CRYL1: variants seen among roughly 807,000 people sequenced by gnomAD.
The protein encoded by CRYL1 is crystallin lambda 1.
A neutral mutation model predicts 36.6 loss-of-function variants in CRYL1; 29 were observed. The ratio of observed to expected loss-of-function variants is 0.79; its 90% confidence interval spans 0.59 to 1.08. The LOEUF (loss-of-function observed/expected upper bound fraction) is 1.08, where lower values mean the gene tolerates loss of function less well. CRYL1 is among the 50% of genes least tolerant of loss of function. The pLI is 0.00. For synonymous variants in CRYL1, 152 were observed against 151.5 expected (o/e 1.00, Z -0.02); for missense variants, 411 against 407.9 (o/e 1.01, Z -0.06).
At chr13:20,446,096 T>C (rs529256583) in intron 3 of CRYL1, among the ~76,000 whole-genome samples, 20 of 152,236 alleles carry the variant, frequency 1.3e-4, no homozygotes, top group Non-Finnish European at 2.8e-4. Flanking sequence ...TCAGTAGATT[T>C]TTTTTAATTA....
At chr13:20,431,717 T>C in intron 5 of CRYL1, 1 of 1,157,098 alleles carries the variant, frequency 8.6e-7, no homozygotes. Context: ...GACAGAAGTT[T>C]ACACAAAATA....
At position 20,469,631 on chromosome 13, in the gene CRYL1, G is replaced by A. The variant is rs540936138; in HGVS notation, c.276+19739C>T. Among the ~76,000 whole-genome samples, 204 of 152,252 alleles carry A rather than the reference G, an allele frequency of 1.3e-3. 1 individual carries two copies. Among genetic ancestry groups the A allele is most frequent in the African/African-American group, 4.8e-3 (200 of 41,550 alleles). On this transcript the variant is annotated intron_variant, in intron 3 of 7. Coordinates refer to ENST00000298248, the MANE Select transcript of CRYL1 (RefSeq NM_015974.3). ...ATTCTCTTAGCTATACATTCCTTCC[G>A]GTATCTGTTTATTCTCAGGCTGGAA...
intron 5 of CRYL1, among the ~76,000 whole-genome samples, chr13:20,420,701 TTGTGTGTGTGTGTGTGTG>T (rs1555226402): frequency 4.6e-5 from 1 of 21,840 alleles, no homozygotes; most frequent in African/African-American, 1.1e-4. Context: ...AAAATAGAGG[TTGTGTGTGTGTGTGTGTG>T]TGTGTGTGTG....
chr13:20,501,853 G>A (rs2033709594), intron 2 of CRYL1, among the ~76,000 whole-genome samples: 2 of 152,120 alleles, frequency 1.3e-5, no homozygotes, highest in Admixed American at 6.5e-5. Flanking sequence ...CCAGCCCCAG[G>A]GATCACTCTA....
intron 2 of CRYL1, among the ~76,000 whole-genome samples, chr13:20,496,916 A>T (rs890235617): frequency 1.3e-5 from 2 of 151,920 alleles, no homozygotes; most frequent in Non-Finnish European, 2.9e-5. Flanking sequence ...AAAATATGCT[A>T]ATTTTTTGGA....
chr13:20,413,966 G>A (rs2031589813), intron 5 of CRYL1, among the ~76,000 whole-genome samples: 1 of 152,044 alleles, frequency 6.6e-6, no homozygotes. Context: ...CTGAGGTCAG[G>A]AGTTCGAGAC....
At chr13:20,431,962 A>T in intron 5 of CRYL1, 140 bp downstream of exon 5, 1 of 1,546,240 alleles carries the variant, frequency 6.5e-7, no homozygotes. Flanking sequence ...GAATAGAGCA[A>T]GAAGAAGCAA....
At chr13:20,510,840 T>TG (rs2033902059) in intron 2 of CRYL1, among the ~76,000 whole-genome samples, 1 of 152,042 alleles carries the variant, frequency 6.6e-6, no homozygotes, top group Non-Finnish European at 1.5e-5. Context: ...CTCCAACTCC[T>TG]GAGCTCAGGC....
intron 3 of CRYL1, among the ~76,000 whole-genome samples, chr13:20,471,345 G>T (rs545191470): frequency 5.3e-5 from 8 of 152,292 alleles, no homozygotes; most frequent in African/African-American, 1.7e-4. Flanking sequence ...GGCCGAGGCA[G>T]GTGGATCACG....
At chr13:20,449,121 T>C (rs1309718165) in intron 3 of CRYL1, among the ~76,000 whole-genome samples, 1 of 152,218 alleles carries the variant, frequency 6.6e-6, no homozygotes, top group Admixed American at 6.5e-5. Flanking sequence ...TGAGCCAAGA[T>C]TGAGCCACTG....
At chr13:20,455,220 T>TA (rs1039482228) in intron 3 of CRYL1, among the ~76,000 whole-genome samples, 12 of 152,080 alleles carry the variant, frequency 7.9e-5, no homozygotes, top group South Asian at 6.2e-4. Flanking sequence ...GGCATAAATC[T>TA]AAAAAAATGC....
intron 2 of CRYL1, among the ~76,000 whole-genome samples, chr13:20,500,406 G>A (rs1227648879): frequency 9.0e-6 from 1 of 110,510 alleles, no homozygotes; most frequent in Non-Finnish European, 2.0e-5. Flanking sequence ...GTTTTCTTTG[G>A]TAATGGGACA....
chr13:20,489,468 C>A lies in CRYL1; in HGVS notation c.178G>T (p.Gly60Cys), dbSNP rs773650918. 7.4e-6 allele frequency: 12 copies of A among 1,613,448 alleles called. No homozygotes were observed. The Admixed American group carries it at 2.0e-4, about 27-fold the overall frequency. The change falls in exon 3 of 8, where the codon GGT becomes TGT. Residue 60 changes from glycine (G) to cysteine (C), a missense_variant. Transcript: ENST00000298248. Reference protein sequence around the residue: ...RKEMKLLEQAGSLKGSLSVEE... With the variant: ...RKEMKLLEQACSLKGSLSVEE... ...ACACTCAGGGAGCCTTTCAGAGAAC[C>A]TGCCTGCTCCAGCAACTTCATCTCC...
intron 3 of CRYL1, among the ~76,000 whole-genome samples, chr13:20,478,952 CG>C (rs1209604268): frequency 1.3e-5 from 2 of 150,736 alleles, no homozygotes; most frequent in African/African-American, 4.9e-5. Flanking sequence ...TTAGTAGAGA[CG>C]GGGTTTCACC....
At chr13:20,446,684 A>G (rs757121299) in intron 3 of CRYL1, among the ~76,000 whole-genome samples, 6 of 152,198 alleles carry the variant, frequency 3.9e-5, no homozygotes, top group Non-Finnish European at 5.9e-5. Context: ...TCTCCCTTTT[A>G]ATTTAAGACC....
chr13:20,442,212 C>A (rs891916184), intron 3 of CRYL1, among the ~76,000 whole-genome samples: 2 of 152,228 alleles, frequency 1.3e-5, no homozygotes, highest in East Asian at 1.9e-4. Context: ...TTCTTCAGAT[C>A]ATTTGATTAT....
intron 2 of CRYL1, among the ~76,000 whole-genome samples, chr13:20,494,423 G>A (rs562596868): frequency 6.6e-6 from 1 of 152,240 alleles, no homozygotes; most frequent in Admixed American, 6.5e-5. Flanking sequence ...CACTTTTTAA[G>A]TAAACAAAAC....
At chr13:20,432,754 A>G (rs1049621906) in intron 4 of CRYL1, among the ~76,000 whole-genome samples, 12 of 152,138 alleles carry the variant, frequency 7.9e-5, no homozygotes, top group African/African-American at 2.7e-4. Flanking sequence ...GCGGTGGCTC[A>G]CACCTGTAAT....
chr13:20,448,723 C>T (rs921494387), intron 3 of CRYL1, among the ~76,000 whole-genome samples: 1 of 152,124 alleles, frequency 6.6e-6, no homozygotes, highest in African/African-American at 2.4e-5. Context: ...AAATGTCTTT[C>T]ACAAATGGAG....
Sources: gnomAD v4.1 joint callset for allele counts (sites outside exome capture counted in the v4.1 genomes callset) on GRCh38, gnomAD v4.1.1 for gene constraint, MANE v1.5 for transcripts, NCBI Gene and HGNC (gene_info 2026-07-23, HGNC 2026-07-21) for gene names.